ATXN10: variants seen among roughly 807,000 people sequenced by gnomAD.
ATXN10 encodes ataxin 10, also known as ataxin-10.
In ATXN10, 28 loss-of-function variants were observed where a neutral mutation model predicts 52.9. That is an observed-to-expected ratio of 0.53 (90% CI 0.39 to 0.73). ATXN10 has a LOEUF of 0.73. Among genes scored for constraint, ATXN10 ranks in the 30% least tolerant of loss-of-function variants. ATXN10 has a pLI of 0.00. For missense variants in ATXN10, 565 were observed against 577.0 expected, an observed-to-expected ratio of 0.98 and a Z score of 0.21; for synonymous variants, 226 against 221.5, an observed-to-expected ratio of 1.02 and a Z score of -0.18.
rs1926426429 is a variant in ATXN10, at chr22:45,762,384, A to G, written c.1173+21846A>G. 6.6e-6 allele frequency among the ~76,000 whole-genome samples: 1 copy of G among 152,206 alleles called. No individual in the cohort carries two copies. Among genetic ancestry groups the G allele is most frequent in the Admixed American group, 6.5e-5 (1 of 15,290 alleles). ...TTTTTATTTATCTTTGTTATGATAG[A>G]TAGCAGATAAAGCAGTTGATTTCAG... On this transcript the variant is annotated intron_variant, in intron 9 of 11. Coordinates refer to ENST00000252934, the MANE Select transcript of ATXN10 (RefSeq NM_013236.4). This position sits in a 1 kb window ranked among gnomAD's most constrained non-coding sequence, Gnocchi z 4.3.
rs1280838878 is a variant in ATXN10 at position 45,833,170 on chromosome 22, G to A, written c.1238-9821G>A. Among the ~76,000 whole-genome samples, 1 of 152,168 alleles carries A rather than the reference G, an allele frequency of 6.6e-6. No homozygotes were observed. Among genetic ancestry groups the A allele is most frequent in the Non-Finnish European group, 1.5e-5 (1 of 68,016 alleles). On this transcript the variant is annotated intron_variant, in intron 10 of 11. Coordinates refer to ENST00000252934, the MANE Select transcript of ATXN10 (RefSeq NM_013236.4). This position sits in a 1 kb window ranked among gnomAD's most constrained non-coding sequence, Gnocchi z 4.3. ...AGAACCTCTCTCCTGTGCTGACTTTGCAGCATCATAGAGTCCTTGGGAAGC... is the reference window on the plus strand; with the variant it reads ...AGAACCTCTCTCCTGTGCTGACTTTACAGCATCATAGAGTCCTTGGGAAGC...
In ATXN10 at chr22:45,678,356, A is replaced by G. The variant is rs960593295; in HGVS notation, c.116+6177A>G. Reference sequence around the variant, plus strand: ...TGAACCCTATCTCAATAGTGCTGTTATAAACAAATCCATAGTAAGGTGCCT... The same window carrying G: ...TGAACCCTATCTCAATAGTGCTGTTGTAAACAAATCCATAGTAAGGTGCCT... On this transcript the variant is annotated intron_variant, in intron 1 of 11. Transcript: ENST00000252934. The surrounding 1 kb of genome is among the most constrained non-coding windows in gnomAD (Gnocchi z 4.1). The G allele has an allele frequency of 6.6e-6, 1 of 152,214 alleles. No individual in the cohort carries two copies. Among genetic ancestry groups the G allele is most frequent in the Non-Finnish European group, 1.5e-5 (1 of 68,040 alleles). The allele number at this position is 152,214 out of a possible 1,614,324, so 9.4% of individuals were successfully genotyped here.
chr22:45,700,267 T>G lies in ATXN10; in HGVS notation c.392-15T>G. 1 of 1,544,792 alleles carries G rather than the reference T, an allele frequency of 6.5e-7. No homozygotes were observed. Among genetic ancestry groups the G allele is most frequent in the Non-Finnish European group, 8.9e-7 (1 of 1,121,576 alleles). On this transcript the variant is annotated splice_polypyrimidine_tract_variant and intron_variant, in intron 3 of 11. Coordinates refer to ENST00000252934, the MANE Select transcript of ATXN10 (RefSeq NM_013236.4). The stretch of plus-strand genomic sequence containing the variant: ...ATCATTTATTTATTTATTTATAACT[T>G]TTATATATTCTTAGCTTTTCGCTGT...
In ATXN10 at chr22:45,819,289, T is replaced by A. The variant is rs1928573361; in HGVS notation, c.1237+12267T>A. Among the ~76,000 whole-genome samples the A allele has an allele frequency of 6.6e-6, 1 of 152,150 alleles. No individual in the cohort carries two copies. Among genetic ancestry groups the A allele is most frequent in the Non-Finnish European group, 1.5e-5 (1 of 68,030 alleles). ...TCTTAACTTTGTATTTTAGAAATTTTGTATCTGATGTATAAGATCAGATCA... is the reference window on the plus strand; with the variant it reads ...TCTTAACTTTGTATTTTAGAAATTTAGTATCTGATGTATAAGATCAGATCA... On this transcript the variant is annotated intron_variant, in intron 10 of 11. Coordinates refer to ENST00000252934, the MANE Select transcript of ATXN10 (RefSeq NM_013236.4). The surrounding 1 kb of genome is among the most constrained non-coding windows in gnomAD (Gnocchi z 4.5).
chr22:45,770,740 A>G lies in ATXN10; in HGVS notation c.1173+30202A>G, dbSNP rs2146840503. Among the ~76,000 whole-genome samples, 1 of 152,328 alleles carries G rather than the reference A, an allele frequency of 6.6e-6. No individual in the cohort carries two copies. The highest frequency in any genetic ancestry group is 1.9e-4 in the East Asian group (1 of 5,180). On this transcript the variant is annotated intron_variant, in intron 9 of 11. Coordinates refer to ENST00000252934, the MANE Select transcript of ATXN10 (RefSeq NM_013236.4). This position sits in a 1 kb window ranked among gnomAD's most constrained non-coding sequence, Gnocchi z 4.5. ...CCCAGGATCTGAAGAGGGCTTCTCAAAGAAAGGGGAGCTAAGGGCAGGATC... is the reference window on the plus strand; with the variant it reads ...CCCAGGATCTGAAGAGGGCTTCTCAGAGAAAGGGGAGCTAAGGGCAGGATC...
chr22:45,787,548 A>G lies in ATXN10; in HGVS notation c.1174-19411A>G, dbSNP rs1183303163. Among the ~76,000 whole-genome samples the G allele has an allele frequency of 6.6e-6, 1 of 152,174 alleles. No homozygotes were observed. The highest frequency in any genetic ancestry group is 1.9e-4 in the East Asian group (1 of 5,202). ...CTTCGGTACTCAGTAGACTTACTGT[A>G]TGGGAAGGAATGCTGTCCAGTCGTC... On this transcript the variant is annotated intron_variant, in intron 9 of 11. Coordinates refer to ENST00000252934, the MANE Select transcript of ATXN10 (RefSeq NM_013236.4). This position sits in a 1 kb window ranked among gnomAD's most constrained non-coding sequence, Gnocchi z 4.2.
intron 9 of ATXN10, among the ~76,000 whole-genome samples, chr22:45,749,050 AT>A (rs2146813201): frequency 6.6e-6 from 1 of 152,316 alleles, no homozygotes; most frequent in African/African-American, 2.4e-5. Context: ...AATGATACTA[AT>A]TATATAATTG....
At chr22:45,707,737 C>A (rs138105364) in intron 5 of ATXN10, among the ~76,000 whole-genome samples, 3 of 151,836 alleles carry the variant, frequency 2.0e-5, no homozygotes, top group African/African-American at 7.2e-5. Flanking sequence ...AAGGATGGAT[C>A]TAGTAGTGGT....
intron 9 of ATXN10, among the ~76,000 whole-genome samples, chr22:45,749,914 A>G (rs1379891579): frequency 2.0e-5 from 3 of 152,100 alleles, no homozygotes; most frequent in African/African-American, 7.2e-5. Context: ...TTTCAGGCAC[A>G]TGCGTATTTC....
At chr22:45,672,415 G>A (rs1016949808) in intron 1 of ATXN10, 2 of 247,762 alleles carry the variant, frequency 8.1e-6, no homozygotes, top group Non-Finnish European at 1.4e-5. Context: ...GCCAGTCCGG[G>A]TGCGAAGCCG....
rs529052089 is a variant in ATXN10 at position 45,797,140 on chromosome 22, G to A, written c.1174-9819G>A. On this transcript the variant is annotated intron_variant, in intron 9 of 11. Transcript: ENST00000252934. The stretch of plus-strand genomic sequence containing the variant: ...TGCAGTCATAATCGGAGATATCAGC[G>A]TTCTTATCTTTATAAATTACAGAAC... Among the ~76,000 whole-genome samples the A allele has an allele frequency of 5.3e-5, 8 of 152,292 alleles. No homozygotes were observed. In the East Asian group the frequency reaches 5.8e-4, roughly 11 times the overall value.
chr22:45,810,932 T>TA (rs144117781), intron 10 of ATXN10, among the ~76,000 whole-genome samples: 3,548 of 152,266 alleles, frequency 0.023, 97 homozygotes, highest in African/African-American at 0.061. Context: ...GACCTAGTAA[T>TA]ATGGTCAGTT....
chr22:45,735,194 A>G (rs1214164908), intron 7 of ATXN10, among the ~76,000 whole-genome samples: 1 of 152,126 alleles, frequency 6.6e-6, no homozygotes, highest in Admixed American at 6.6e-5. Context: ...GTATTTTAAT[A>G]TAAACATTTA....
intron 7 of ATXN10, among the ~76,000 whole-genome samples, chr22:45,735,372 T>C (rs1925254463): frequency 6.6e-6 from 1 of 152,046 alleles, no homozygotes; most frequent in African/African-American, 2.4e-5. Flanking sequence ...TAGCTTGCTA[T>C]ATTCTCCAAC....
chr22:45,679,253 A>G (rs1356482103), intron 1 of ATXN10: 2 of 152,208 alleles, frequency 1.3e-5, no homozygotes, highest in East Asian at 3.8e-4. Context: ...CATAATGAGC[A>G]TCCAATAGTA....
chr22:45,829,192 C>T (rs1368593683), intron 10 of ATXN10, among the ~76,000 whole-genome samples: 2 of 152,054 alleles, frequency 1.3e-5, no homozygotes. Context: ...ATAAAAAACA[C>T]TCAACAAACT....
rs894129013 is a variant in ATXN10 at position 45,843,788 on chromosome 22, A to G, written c.*117A>G. ...TATAAGTACAAATTTGGGAACATAC[A>G]AATCTTTTAGGTAGTAGAGTTTAAC... is the stretch of plus-strand genomic sequence containing the variant. On this transcript the variant is annotated 3_prime_UTR_variant, in exon 12 of 12. Coordinates refer to ENST00000252934, the MANE Select transcript of ATXN10 (RefSeq NM_013236.4). The surrounding 1 kb of genome is among the most constrained non-coding windows in gnomAD (Gnocchi z 4.5). The G allele has an allele frequency of 2.6e-5, 27 of 1,027,134 alleles. No homozygotes were observed. The African/African-American group carries it at 4.0e-4, about 15-fold the overall frequency. The allele number at this position is 1,027,134 out of a possible 1,614,324, so 63.6% of individuals were successfully genotyped here.
chr22:45,765,852 C>A (rs971837325), intron 9 of ATXN10, among the ~76,000 whole-genome samples: 4 of 152,072 alleles, frequency 2.6e-5, no homozygotes, highest in Non-Finnish European at 5.9e-5. Flanking sequence ...CCCAGTAATA[C>A]CCTCAGGTTT....
At chr22:45,785,213 G>C (rs994559981) in intron 9 of ATXN10, among the ~76,000 whole-genome samples, 1 of 149,426 alleles carries the variant, frequency 6.7e-6, no homozygotes, top group Non-Finnish European at 1.5e-5. Flanking sequence ...GCTACTAAAT[G>C]GAGTGGAGTT....
Sources: gnomAD v4.1 joint callset for allele counts (sites outside exome capture counted in the v4.1 genomes callset) on GRCh38, gnomAD v4.1.1 for gene constraint, Gnocchi (gnomAD v3.1) non-coding constraint, MANE v1.5 for transcripts, NCBI Gene and HGNC (gene_info 2026-07-23, HGNC 2026-07-21) for gene names.